The following NTNG1 variants were observed in gnomAD, a reference collection of about 807,000 sequenced individuals.
NTNG1 encodes netrin-G1.
A neutral mutation model predicts 54.0 loss-of-function variants in NTNG1; 16 were observed. The ratio of observed to expected loss-of-function variants is 0.30; its 90% CI spans 0.20 to 0.45. The LOEUF (loss-of-function observed/expected upper bound fraction) is 0.45, where lower values mean the gene tolerates loss of function less well. Among genes scored for constraint, NTNG1 ranks in the 20% least tolerant of loss-of-function variants. NTNG1 has a pLI of 1.00. For synonymous variants in NTNG1, 255 were observed against 263.1 expected, an observed-to-expected ratio of 0.97 and a Z score of 0.30; for missense variants, 530 against 678.7, an observed-to-expected ratio of 0.78 and a Z score of 2.43.
Position 107,200,676 on chromosome 1 carries a change from T to G in NTNG1, c.246+51837T>G, listed in dbSNP as rs564075547. On this transcript the variant is annotated intron_variant, in intron 2 of 7. Transcript: ENST00000370068. ...GGTCACTGGTTGCCCTTTGATCATA[T>G]AGTTCTCTCATTTTCACATAACTGC... Among the ~76,000 whole-genome samples, 31 of 151,992 alleles carry G rather than the reference T, an allele frequency of 2.0e-4. 2 individuals carry two copies. The highest frequency in any genetic ancestry group is 6.8e-3 in the Middle Eastern group (2 of 294).
rs778215812 is a variant in NTNG1 at position 107,436,809 on chromosome 1, T to G, written c.1390+10T>G. On this transcript the variant is annotated intron_variant, in intron 7 of 7. Coordinates refer to ENST00000370068, the MANE Select transcript of NTNG1 (RefSeq NM_001113226.3). ...CACTACGGCTGTCAACGTAAGTAAC[T>G]CTGGGAGCTGCCCTCTGCCTGCTGC... 1 of 1,612,894 alleles carries G rather than the reference T, an allele frequency of 6.2e-7. No homozygotes were observed. The highest frequency in any genetic ancestry group is 8.5e-7 in the Non-Finnish European group (1 of 1,179,262).
In NTNG1 at chr1:107,148,460, TA is replaced by T. The variant is rs894364616; in HGVS notation, c.-125del. On this transcript the variant is annotated 5_prime_UTR_variant, in exon 2 of 8. Coordinates refer to ENST00000370068, the MANE Select transcript of NTNG1 (RefSeq NM_001113226.3). Reference sequence around the variant, plus strand: ...TCTGCTTTGAGGTCCCATCTTCATTTAAAAAAAAATACAGAGACCTACCTAC... The same window carrying T: ...TCTGCTTTGAGGTCCCATCTTCATTTAAAAAAAATACAGAGACCTACCTAC... 2.6e-3 allele frequency: 2,014 copies of T among 763,654 alleles called. No homozygotes were observed. Among genetic ancestry groups the T allele is most frequent in the African/African-American group, 3.1e-3 (174 of 56,334 alleles). The allele number at this position is 763,654 out of a possible 1,614,324, so 47.3% of individuals were successfully genotyped here. A position where few individuals can be genotyped will look rare whatever the true frequency, so the allele number is the denominator to read the frequency against.
chr1:107,302,434 T>C (rs929861321), intron 2 of NTNG1, among the ~76,000 whole-genome samples: 2 of 152,106 alleles, frequency 1.3e-5, no homozygotes, highest in Admixed American at 6.5e-5. Context: ...GCTTGGCACC[T>C]GTCCATTTCA....
chr1:107,362,099 A>G (rs1355918825), intron 3 of NTNG1, among the ~76,000 whole-genome samples: 1 of 152,126 alleles, frequency 6.6e-6, no homozygotes, highest in Admixed American at 6.6e-5. Context: ...CTCCTTGGGC[A>G]TCCAAAGAGC....
chr1:107,163,264 T>A (rs1303960984), intron 2 of NTNG1, among the ~76,000 whole-genome samples: 1 of 152,190 alleles, frequency 6.6e-6, no homozygotes, highest in Non-Finnish European at 1.5e-5. Context: ...TTTATGGATA[T>A]TTTATTTGGA....
intron 5 of NTNG1, among the ~76,000 whole-genome samples, chr1:107,430,321 T>A (rs1212060853): frequency 5.3e-5 from 8 of 152,136 alleles, no homozygotes; most frequent in Admixed American, 1.3e-4. Context: ...GTACTTAGAC[T>A]CTCAATGCTC....
intron 2 of NTNG1, among the ~76,000 whole-genome samples, chr1:107,302,553 T>C (rs964926522): frequency 2.6e-5 from 4 of 152,098 alleles, no homozygotes; most frequent in Admixed American, 2.0e-4. Context: ...GATTTGAGGG[T>C]CAAAGATGTA....
intron 2 of NTNG1, among the ~76,000 whole-genome samples, chr1:107,227,552 C>T (rs1472389163): frequency 6.6e-6 from 1 of 152,054 alleles, no homozygotes; most frequent in Non-Finnish European, 1.5e-5. Flanking sequence ...TCTGTTGGTA[C>T]TAGGTTCGCA....
intron 3 of NTNG1, among the ~76,000 whole-genome samples, chr1:107,329,938 AT>A (rs1170589552): frequency 6.6e-6 from 1 of 152,122 alleles, no homozygotes; most frequent in African/African-American, 2.4e-5. Context: ...GGGTTAAGTG[AT>A]TTTACTGTGT....
At chr1:107,346,053 G>C (rs1419718348) in intron 3 of NTNG1, among the ~76,000 whole-genome samples, 1 of 152,160 alleles carries the variant, frequency 6.6e-6, no homozygotes, top group Non-Finnish European at 1.5e-5. Flanking sequence ...GTTGGGGTCT[G>C]GTGTCTCCCT....
chr1:107,391,012 C>A (rs1570845360), intron 3 of NTNG1, among the ~76,000 whole-genome samples: 1 of 152,056 alleles, frequency 6.6e-6, no homozygotes, highest in African/African-American at 2.4e-5. Context: ...TTTTGTATAC[C>A]AGAAAGGAGC....
chr1:107,337,802 G>A (rs1447681938), intron 3 of NTNG1, among the ~76,000 whole-genome samples: 1 of 151,966 alleles, frequency 6.6e-6, no homozygotes, highest in Non-Finnish European at 1.5e-5. Context: ...ATGTTCAACA[G>A]GTTTCGAAGT....
At chr1:107,390,275 G>A (rs1266391863) in intron 3 of NTNG1, among the ~76,000 whole-genome samples, 1 of 152,198 alleles carries the variant, frequency 6.6e-6, no homozygotes, top group Non-Finnish European at 1.5e-5. Context: ...CAACGTTCAA[G>A]CAATGCCCTT....
At chr1:107,432,376 A>C (rs1176778904) in intron 6 of NTNG1, among the ~76,000 whole-genome samples, 2 of 152,196 alleles carry the variant, frequency 1.3e-5, no homozygotes, top group Non-Finnish European at 2.9e-5. Flanking sequence ...CTTACAGCAA[A>C]GGGTTTCTGA....
intron 2 of NTNG1, among the ~76,000 whole-genome samples, chr1:107,243,056 G>A (rs748642814): frequency 5.3e-5 from 8 of 152,176 alleles, no homozygotes; most frequent in Admixed American, 1.3e-4. Context: ...GCATCAAGGG[G>A]TTTGTTGAAA....
intron 5 of NTNG1, among the ~76,000 whole-genome samples, chr1:107,426,322 T>G (rs1007224225): frequency 6.6e-6 from 1 of 152,064 alleles, no homozygotes; most frequent in Non-Finnish European, 1.5e-5. Context: ...TGTAGGTCCT[T>G]AATCCATCTT....
intron 2 of NTNG1, among the ~76,000 whole-genome samples, chr1:107,216,573 A>G (rs1367869043): frequency 6.6e-6 from 1 of 151,980 alleles, no homozygotes; most frequent in Non-Finnish European, 1.5e-5. Flanking sequence ...GGATTTTTAC[A>G]TTTAGGTTCA....
At chr1:107,454,338 C>A (rs564956813) in intron 7 of NTNG1, among the ~76,000 whole-genome samples, 1 of 152,166 alleles carries the variant, frequency 6.6e-6, no homozygotes, top group Non-Finnish European at 1.5e-5. Context: ...CCCATGCATA[C>A]TTTGCACAAG....
At chr1:107,374,677 C>T (rs937961062) in intron 3 of NTNG1, among the ~76,000 whole-genome samples, 1 of 151,950 alleles carries the variant, frequency 6.6e-6, no homozygotes, top group African/African-American at 2.4e-5. Context: ...TCTGCTAATT[C>T]CAATATATGT....
Sources: allele counts gnomAD v4.1 joint callset (sites outside exome capture counted in the v4.1 genomes callset), GRCh38; gene constraint gnomAD v4.1.1; transcripts MANE v1.5; gene names NCBI Gene and HGNC (gene_info 2026-07-23, HGNC 2026-07-21).